The following ZEB1 variants were observed in gnomAD, a reference collection of about 807,000 sequenced individuals.
ZEB1 encodes the protein zinc finger E-box-binding homeobox 1.
In ZEB1, 21 loss-of-function variants were observed where a neutral mutation model predicts 84.9. The observed-to-expected ratio is 0.25, with a 90% CI of 0.18 to 0.36. The LOEUF is 0.36. ZEB1 is among the 10% of genes least tolerant of loss of function. ZEB1 has a pLI of 1.00. For missense variants in ZEB1, 1,104 were observed against 1,330.2 expected (o/e 0.83, Z 2.65); for synonymous variants, 420 against 471.1 (o/e 0.89, Z 1.41).
chr10:31,514,763 A>G (rs2070764837), intron 6 of ZEB1, 55 bp downstream of exon 6: 2 of 1,367,230 alleles, frequency 1.5e-6, no homozygotes, highest in Admixed American at 1.7e-5. Flanking sequence ...GTGGTAATAA[A>G]TAAATATCAT....
At chr10:31,381,272 A>G (rs1196532380) in intron 1 of ZEB1, among the ~76,000 whole-genome samples, 6 of 152,198 alleles carry the variant, frequency 3.9e-5, no homozygotes, top group Non-Finnish European at 8.8e-5. Flanking sequence ...AAAATGATTT[A>G]TTAAATAATA....
intron 1 of ZEB1, among the ~76,000 whole-genome samples, chr10:31,410,637 G>A (rs927578688): frequency 6.6e-6 from 1 of 152,020 alleles, no homozygotes; most frequent in African/African-American, 2.4e-5. Context: ...CTGGTCCTGG[G>A]CTTTTTTTGG....
chr10:31,520,873 C>T lies in ZEB1; in HGVS notation c.1541C>T (p.Thr514Ile), dbSNP rs1592088506. Residue 514 changes from threonine to isoleucine, a missense_variant, in exon 7 of 9, where the codon ACT (threonine) becomes ATT (isoleucine). Physicochemically the swap from Thr to Ile is moderately conservative, Grantham distance 89 (BLOSUM62 -1). Coordinates refer to ENST00000424869, the MANE Select transcript of ZEB1 (RefSeq NM_001174096.2). The surrounding 1 kb of genome is among the most constrained non-coding windows in gnomAD (Gnocchi z 5.1). Reference protein sequence around the residue: ...CKSEKLPEDLTVKSEKDKSFE... With the variant: ...CKSEKLPEDLIVKSEKDKSFE... ...AGTGAAAAGTTACCAGAAGATCTTA[C>T]TGTTAAGTCTGAGAAGGACAAAAGC... 1 of 1,614,118 alleles carries T rather than the reference C, an allele frequency of 6.2e-7. No homozygotes were observed. The highest frequency in any genetic ancestry group is 8.5e-7 in the Non-Finnish European group (1 of 1,180,028).
chr10:31,334,560 G>A lies in ZEB1; in HGVS notation c.58+15268G>A, dbSNP rs114558438. Among the ~76,000 whole-genome samples the A allele has an allele frequency of 8.3e-3, 1,262 of 152,094 alleles. 14 individuals carry two copies. The highest frequency in any genetic ancestry group is 0.027 in the African/African-American group (1,138 of 41,514). On this transcript the variant is annotated intron_variant, in intron 1 of 8. Transcript: ENST00000424869. ...GAATTAGAAAAAAAGCATACTCCCC[G>A]ATTGAAATAACAGGGGAATAATTAA...
At position 31,331,086 on chromosome 10, in the gene ZEB1, T is replaced by C. The variant is rs956209488; in HGVS notation, c.58+11794T>C. Among the ~76,000 whole-genome samples, 7 of 116,672 alleles carry C rather than the reference T, an allele frequency of 6.0e-5. No individual in the cohort carries two copies. In the East Asian group the frequency reaches 6.4e-4, roughly 11 times the overall value. 76.5% of individuals were successfully genotyped at this position (116,672 alleles called of 152,430 possible). ...CTTTTCTTTTTTCTTTCTTTCTTTT[T>C]TTTTTTTTTTTTTTTTTTTTTGAGA... On this transcript the variant is annotated intron_variant, in intron 1 of 8. Coordinates refer to ENST00000424869, the MANE Select transcript of ZEB1 (RefSeq NM_001174096.2).
At chr10:31,389,237 G>T (rs570834265) in intron 1 of ZEB1, among the ~76,000 whole-genome samples, 1 of 152,120 alleles carries the variant, frequency 6.6e-6, no homozygotes, top group Admixed American at 6.6e-5. Flanking sequence ...ATCAACTGTT[G>T]TTCTATGATT....
intron 1 of ZEB1, among the ~76,000 whole-genome samples, chr10:31,394,971 G>A (rs1285879378): frequency 6.6e-6 from 1 of 152,266 alleles, no homozygotes; most frequent in South Asian, 2.1e-4. Context: ...TAACTCCTGG[G>A]TCCTGACTTG....
intron 1 of ZEB1, among the ~76,000 whole-genome samples, chr10:31,422,777 T>G (rs1300237671): frequency 6.6e-6 from 1 of 152,140 alleles, no homozygotes; most frequent in East Asian, 1.9e-4. Context: ...ACTCAAATAC[T>G]GAGCATAGTG....
intron 6 of ZEB1, among the ~76,000 whole-genome samples, chr10:31,518,423 C>T (rs1470517439): frequency 1.3e-5 from 2 of 152,134 alleles, no homozygotes; most frequent in Non-Finnish European, 2.9e-5. Flanking sequence ...TACACTTGTT[C>T]TGTGTGGCAT....
chr10:31,400,521 A>T (rs1332626640), intron 1 of ZEB1, among the ~76,000 whole-genome samples: 1 of 152,138 alleles, frequency 6.6e-6, no homozygotes, highest in Non-Finnish European at 1.5e-5. Flanking sequence ...ACTAAAAAAA[A>T]ATATTATTTG....
chr10:31,380,191 C>T (rs1016345046), intron 1 of ZEB1, among the ~76,000 whole-genome samples: 1 of 152,070 alleles, frequency 6.6e-6, no homozygotes, highest in Non-Finnish European at 1.5e-5. Flanking sequence ...CCTTCCCTCC[C>T]CTTTTCCCTT....
At chr10:31,379,756 TAA>T (rs969776209) in intron 1 of ZEB1, among the ~76,000 whole-genome samples, 3 of 151,970 alleles carry the variant, frequency 2.0e-5, no homozygotes, top group Non-Finnish European at 2.9e-5. Context: ...GGCATACACT[TAA>T]GAGAGACTAG....
intron 2 of ZEB1, among the ~76,000 whole-genome samples, chr10:31,482,338 A>G (rs2065153074): frequency 1.3e-5 from 2 of 152,066 alleles, no homozygotes; most frequent in Admixed American, 1.3e-4. Context: ...TGTCAATGTC[A>G]AGGTCATAAA....
chr10:31,458,692 A>C (rs998089271), intron 1 of ZEB1, among the ~76,000 whole-genome samples: 1 of 152,084 alleles, frequency 6.6e-6, no homozygotes, highest in Non-Finnish European at 1.5e-5. Context: ...TTTACTCTAA[A>C]GTTTCACCCC....
At chr10:31,366,972 A>G (rs992348730) in intron 1 of ZEB1, among the ~76,000 whole-genome samples, 3 of 152,170 alleles carry the variant, frequency 2.0e-5, no homozygotes, top group Non-Finnish European at 2.9e-5. Context: ...TGCTCTACTC[A>G]CAAATATTTT....
chr10:31,332,383 A>C (rs1411396396), intron 1 of ZEB1, among the ~76,000 whole-genome samples: 2 of 152,180 alleles, frequency 1.3e-5, no homozygotes, highest in Admixed American at 1.3e-4. Flanking sequence ...AACCTATGGA[A>C]TAAAATGTTT....
intron 1 of ZEB1, among the ~76,000 whole-genome samples, chr10:31,427,853 C>G (rs1389310498): frequency 1.4e-5 from 2 of 145,062 alleles, no homozygotes; most frequent in Admixed American, 1.4e-4. Context: ...AGCAAGACTC[C>G]ATCTCAAAAA....
chr10:31,420,208 A>T (rs996940130), intron 1 of ZEB1, among the ~76,000 whole-genome samples: 2 of 152,090 alleles, frequency 1.3e-5, no homozygotes, highest in Non-Finnish European at 2.9e-5. Flanking sequence ...TTAACCTTCT[A>T]TTGCTGCGTA....
At chr10:31,381,013 A>G (rs999180296) in intron 1 of ZEB1, among the ~76,000 whole-genome samples, 2 of 152,206 alleles carry the variant, frequency 1.3e-5, no homozygotes, top group Non-Finnish European at 2.9e-5. Flanking sequence ...CTCAAAGAAC[A>G]TGATACTTCA....
Sources: gnomAD v4.1 joint callset for allele counts (sites outside exome capture counted in the v4.1 genomes callset) on GRCh38, gnomAD v4.1.1 for gene constraint, Gnocchi (gnomAD v3.1) non-coding constraint, MANE v1.5 for transcripts, NCBI Gene and HGNC (gene_info 2026-07-23, HGNC 2026-07-21) for gene names.